Variants in ZNG1B observed in about 807,000 individuals in gnomAD.
ZNG1B encodes zinc-regulated GTPase metalloprotein activator 1B.
At chr2:113,471,197 C>A in the ZNG1B span, 1 of 1,394,610 alleles carries the variant, frequency 7.2e-7, no homozygotes, top group Non-Finnish European at 9.9e-7. Flanking sequence ...TCCTGCCATT[C>A]CTTTGGCATA....
the ZNG1B span, among the ~76,000 whole-genome samples, chr2:113,463,573 C>T: frequency 6.6e-6 from 1 of 152,140 alleles, no homozygotes; most frequent in Admixed American, 6.5e-5. Context: ...AATATAATGT[C>T]TCCATGTGGA....
chr2:113,472,700 A>G, the ZNG1B span, among the ~76,000 whole-genome samples: 2 of 151,950 alleles, frequency 1.3e-5, no homozygotes, highest in Admixed American at 6.6e-5. Flanking sequence ...AGCTTTCTAC[A>G]TATGGCTAGC....
At chr2:113,438,241 A>G in the ZNG1B span, among the ~76,000 whole-genome samples, 1 of 152,214 alleles carries the variant, frequency 6.6e-6, no homozygotes, top group Non-Finnish European at 1.5e-5. Flanking sequence ...TTCTCAAGTG[A>G]GATGGAAAGT....
the ZNG1B span, among the ~76,000 whole-genome samples, chr2:113,484,186 T>G: frequency 7.1e-6 from 1 of 141,568 alleles, no homozygotes; most frequent in Non-Finnish European, 1.5e-5. Context: ...GTGTATGTTT[T>G]CTGTTAGTTA....
At chr2:113,477,551 T>C in the ZNG1B span, among the ~76,000 whole-genome samples, 1 of 152,210 alleles carries the variant, frequency 6.6e-6, no homozygotes, top group African/African-American at 2.4e-5. Context: ...CTCTCCTCTC[T>C]TCACTTTAAT....
At chr2:113,480,292 C>T in the ZNG1B span, among the ~76,000 whole-genome samples, 1 of 151,692 alleles carries the variant, frequency 6.6e-6, no homozygotes, top group African/African-American at 2.4e-5. Context: ...AGGCTTGCAC[C>T]CATGCCTGGC....
At chr2:113,440,553 A>G in the ZNG1B span, among the ~76,000 whole-genome samples, 1 of 152,168 alleles carries the variant, frequency 6.6e-6, no homozygotes, top group African/African-American at 2.4e-5. Flanking sequence ...TCTCTTAAAA[A>G]GCTTTGAAAG....
At chr2:113,444,811 G>GTTA in the ZNG1B span, among the ~76,000 whole-genome samples, 1 of 152,010 alleles carries the variant, frequency 6.6e-6, no homozygotes, top group Non-Finnish European at 1.5e-5. Flanking sequence ...AATATGGGAC[G>GTTA]GACATTTTGT....
chr2:113,443,303 C>T, the ZNG1B span, among the ~76,000 whole-genome samples: 1 of 151,724 alleles, frequency 6.6e-6, no homozygotes. Context: ...GGTTTTTACT[C>T]ATTGGGAATA....
the ZNG1B span, among the ~76,000 whole-genome samples, chr2:113,462,051 T>C: frequency 2.2e-4 from 34 of 152,382 alleles, no homozygotes; most frequent in East Asian, 6.2e-3. Flanking sequence ...TTTATTCTTT[T>C]CTTCACAAAG....
the ZNG1B span, among the ~76,000 whole-genome samples, chr2:113,488,440 A>G: frequency 6.6e-6 from 1 of 152,200 alleles, no homozygotes; most frequent in Non-Finnish European, 1.5e-5. Flanking sequence ...CGACCCTGGT[A>G]GTATGACAAA....
At chr2:113,443,308 G>A in the ZNG1B span, among the ~76,000 whole-genome samples, 1 of 151,656 alleles carries the variant, frequency 6.6e-6, no homozygotes, top group African/African-American at 2.4e-5. Context: ...TTACTCATTG[G>A]GAATATTCAG....
the ZNG1B span, among the ~76,000 whole-genome samples, chr2:113,473,499 C>T: frequency 4.6e-5 from 7 of 151,378 alleles, no homozygotes; most frequent in Non-Finnish European, 1.0e-4. Flanking sequence ...GCCTAATTGC[C>T]CTGGCCAGAA....
the ZNG1B span, among the ~76,000 whole-genome samples, chr2:113,476,568 G>C: frequency 1.3e-5 from 2 of 148,292 alleles, no homozygotes; most frequent in Non-Finnish European, 3.0e-5. Context: ...GAGGCGCTGC[G>C]TTCCTTTGGA....
the ZNG1B span, among the ~76,000 whole-genome samples, chr2:113,457,579 AGGTCT>A: frequency 6.7e-6 from 1 of 149,802 alleles, no homozygotes; most frequent in Admixed American, 6.7e-5. Flanking sequence ...TCATGAAGTT[AGGTCT>A]ACAGTGGTGT....
chr2:113,486,575 T>G, the ZNG1B span, among the ~76,000 whole-genome samples: 1 of 151,838 alleles, frequency 6.6e-6, no homozygotes, highest in Non-Finnish European at 1.5e-5. Flanking sequence ...GGCAACATGG[T>G]GAAACCCCAT....
At chr2:113,483,499 T>TA in the ZNG1B span, among the ~76,000 whole-genome samples, 3 of 149,304 alleles carry the variant, frequency 2.0e-5, no homozygotes, top group Non-Finnish European at 4.5e-5. Context: ...GGAGCCTTTT[T>TA]AAAAAAAATT....
At chr2:113,456,236 T>C in the ZNG1B span, among the ~76,000 whole-genome samples, 2 of 152,116 alleles carry the variant, frequency 1.3e-5, no homozygotes, top group African/African-American at 4.8e-5. Flanking sequence ...AATTTAAGAA[T>C]CCAAGAATGA....
chr2:113,488,109 C>T, the ZNG1B span, among the ~76,000 whole-genome samples: 1 of 152,058 alleles, frequency 6.6e-6, no homozygotes, highest in Non-Finnish European at 1.5e-5. Flanking sequence ...TCAAAGAGTA[C>T]ATTTCACCCT....
Sources: gnomAD v4.1 joint callset for allele counts (sites outside exome capture counted in the v4.1 genomes callset) on GRCh38, gnomAD v4.1.1 for gene constraint, MANE v1.5 for transcripts, NCBI Gene and HGNC (gene_info 2026-07-23, HGNC 2026-07-21) for gene names.